Variants in GRIK2 observed in about 807,000 individuals in gnomAD.
The protein encoded by GRIK2 is glutamate receptor ionotropic, kainate 2.
Under a neutral mutation model 100.3 loss-of-function variants are expected in GRIK2, and 32 were observed. That is an observed-to-expected ratio of 0.32 (90% CI 0.24 to 0.43). GRIK2 has a LOEUF of 0.43. Among genes scored for constraint, GRIK2 ranks in the 20% least tolerant of loss-of-function variants. GRIK2 has a pLI of 1.00. For missense variants in GRIK2, 843 were observed against 1,114.9 expected, an observed-to-expected ratio of 0.76 and a Z score of 3.47; for synonymous variants, 417 against 389.4, an observed-to-expected ratio of 1.07 and a Z score of -0.83.
Position 101,818,378 on chromosome 6 carries a change from G to C in GRIK2, c.1212G>C (p.Thr404=). Residue 404 remains threonine (T), a synonymous_variant, in exon 10 of 17, where the codon ACG becomes ACC. Coordinates refer to ENST00000369134, the MANE Select transcript of GRIK2 (RefSeq NM_021956.5). ...LKEEGLEKIG[T]WDPASGLNMT... ...CATATGCTATTTTATAGATTGGAAC[G>C]TGGGATCCAGCCAGTGGCCTGAATA... The C allele has an allele frequency of 6.3e-7, 1 of 1,589,352 alleles. No homozygotes were observed. Among genetic ancestry groups the C allele is most frequent in the Non-Finnish European group, 8.6e-7 (1 of 1,157,732 alleles).
chr6:101,495,454 C>G (rs1042884183), intron 2 of GRIK2, among the ~76,000 whole-genome samples: 3 of 152,022 alleles, frequency 2.0e-5, no homozygotes, highest in African/African-American at 7.2e-5. Flanking sequence ...GGCAGTGAGC[C>G]AAGATCTTGC....
At chr6:101,792,367 A>C (rs532654534) in intron 7 of GRIK2, among the ~76,000 whole-genome samples, 31 of 151,920 alleles carry the variant, frequency 2.0e-4, no homozygotes, top group East Asian at 1.2e-3. Flanking sequence ...TTGCATGTTT[A>C]GTGCTTCCTT....
chr6:101,865,773 C>A (rs1339886228), intron 11 of GRIK2, among the ~76,000 whole-genome samples: 1 of 151,572 alleles, frequency 6.6e-6, no homozygotes, highest in Non-Finnish European at 1.5e-5. Context: ...CCCGTAATCC[C>A]AGCTACTTGG....
intron 10 of GRIK2, among the ~76,000 whole-genome samples, chr6:101,851,247 G>A (rs1784110619): frequency 6.6e-6 from 1 of 151,960 alleles, no homozygotes; most frequent in Non-Finnish European, 1.5e-5. Flanking sequence ...TTAGCTTTAG[G>A]TGAAGGAAAT....
chr6:101,605,563 T>C (rs1582812629), intron 2 of GRIK2, among the ~76,000 whole-genome samples: 1 of 152,196 alleles, frequency 6.6e-6, no homozygotes, highest in African/African-American at 2.4e-5. Flanking sequence ...AATTGCTACA[T>C]GTTGGATCTG....
chr6:101,477,743 G>A (rs1772319381), intron 2 of GRIK2, among the ~76,000 whole-genome samples: 1 of 151,950 alleles, frequency 6.6e-6, no homozygotes, highest in Admixed American at 6.5e-5. Flanking sequence ...TATCAAATGA[G>A]CAACAGAAGG....
At chr6:102,049,609 TATTA>T (rs1235675239) in intron 15 of GRIK2, among the ~76,000 whole-genome samples, 2 of 152,176 alleles carry the variant, frequency 1.3e-5, no homozygotes, top group Middle Eastern at 3.2e-3. Flanking sequence ...TGATATGTAG[TATTA>T]ATCAAGATTA....
chr6:101,895,093 T>C (rs1787355431), intron 12 of GRIK2, among the ~76,000 whole-genome samples: 1 of 151,832 alleles, frequency 6.6e-6, no homozygotes, highest in African/African-American at 2.4e-5. Flanking sequence ...CATTAGGCTA[T>C]TTAAATGAAC....
chr6:101,519,300 C>CGTGTGTGTGTGTGTGTGT (rs55646921), intron 2 of GRIK2, among the ~76,000 whole-genome samples: 1 of 140,986 alleles, frequency 7.1e-6, no homozygotes, highest in African/African-American at 2.6e-5. Context: ...CGGAGTTAAA[C>CGTGTGTGTGTGTGTGTGT]GTGTGTGTGT....
chr6:101,891,574 T>A (rs1476587162), intron 12 of GRIK2: 1 of 389,038 alleles, frequency 2.6e-6, no homozygotes, highest in East Asian at 8.3e-5. Flanking sequence ...ACACAGATAA[T>A]TTTTTACATA....
At chr6:101,418,648 G>A (rs1251427847) in intron 2 of GRIK2, among the ~76,000 whole-genome samples, 1 of 152,180 alleles carries the variant, frequency 6.6e-6, no homozygotes, top group South Asian at 2.1e-4. Context: ...GTTAGGCAGG[G>A]AAGGAAGGTG....
chr6:101,865,524 G>A (rs1562449093), intron 11 of GRIK2, among the ~76,000 whole-genome samples: 1 of 152,168 alleles, frequency 6.6e-6, no homozygotes, highest in East Asian at 1.9e-4. Flanking sequence ...CACAGCCATA[G>A]CTTTAAATTT....
At chr6:101,503,515 C>T (rs1377195025) in intron 2 of GRIK2, among the ~76,000 whole-genome samples, 1 of 152,090 alleles carries the variant, frequency 6.6e-6, no homozygotes, top group East Asian at 1.9e-4. Flanking sequence ...CAAATCAATT[C>T]CATTCCTTAG....
intron 2 of GRIK2, among the ~76,000 whole-genome samples, chr6:101,554,967 A>G (rs1174428780): frequency 6.6e-6 from 1 of 152,154 alleles, no homozygotes; most frequent in East Asian, 1.9e-4. Context: ...CATAGAAAAG[A>G]TTTTAAAATA....
chr6:102,052,224 A>T (rs1771236452), intron 15 of GRIK2, among the ~76,000 whole-genome samples: 1 of 152,190 alleles, frequency 6.6e-6, no homozygotes, highest in Admixed American at 6.5e-5. Flanking sequence ...TTCATTTTTA[A>T]TTACTTGTCC....
intron 10 of GRIK2, among the ~76,000 whole-genome samples, chr6:101,829,660 A>G (rs1332763825): frequency 6.6e-6 from 1 of 151,962 alleles, no homozygotes; most frequent in African/African-American, 2.4e-5. Context: ...ATAAAAATAT[A>G]AAGAACCTAG....
chr6:101,518,224 G>A (rs1365423354), intron 2 of GRIK2, among the ~76,000 whole-genome samples: 3 of 152,098 alleles, frequency 2.0e-5, no homozygotes, highest in Admixed American at 1.3e-4. Flanking sequence ...CTTAATTTTA[G>A]TTAGAGAGAA....
intron 4 of GRIK2, among the ~76,000 whole-genome samples, chr6:101,658,729 G>C (rs936114581): frequency 4.6e-4 from 70 of 152,314 alleles, no homozygotes; most frequent in African/African-American, 1.6e-3. Flanking sequence ...TAACTGGCAT[G>C]AGATGGTATC....
chr6:101,802,537 T>A (rs1780741494), intron 9 of GRIK2, 99 bp downstream of exon 9: 1 of 452,846 alleles, frequency 2.2e-6, no homozygotes, highest in Admixed American at 3.8e-5. Context: ...ACATTTAACT[T>A]TATTGAGTAA....
Sources: gnomAD v4.1 joint callset for allele counts (sites outside exome capture counted in the v4.1 genomes callset) on GRCh38, gnomAD v4.1.1 for gene constraint, MANE v1.5 for transcripts, NCBI Gene and HGNC (gene_info 2026-07-23, HGNC 2026-07-21) for gene names.